The following NLGN2 variants were observed in gnomAD, a reference collection of about 807,000 sequenced individuals.
The protein encoded by NLGN2 is neuroligin-2.
Under a neutral mutation model 48.6 loss-of-function variants are expected in NLGN2, and 11 were observed. The ratio of observed to expected loss-of-function variants is 0.23; its 90% CI spans 0.14 to 0.37. NLGN2 has a LOEUF of 0.37. Ranked by LOEUF, NLGN2 falls within the 10% of genes least tolerant of loss-of-function variation. NLGN2 has a pLI of 1.00. For synonymous variants in NLGN2, 548 were observed against 550.0 expected (o/e 1.00, Z 0.05); for missense variants, 801 against 1,225.2 (o/e 0.65, Z 5.17).
chr17:7,407,109 T>A (rs1366708763), upstream of NLGN2, among the ~76,000 whole-genome samples: 1 of 152,110 alleles, frequency 6.6e-6, no homozygotes, highest in Admixed American at 6.5e-5. Context: ...AACTCTTGCA[T>A]TCTGACTCAC....
In NLGN2 at chr17:7,416,022, G is replaced by A. The variant is rs1255240420; in HGVS notation, c.1549G>A (p.Asp517Asn). The A allele has an allele frequency of 3.7e-6, 6 of 1,613,714 alleles. No individual in the cohort carries two copies. The highest frequency in any genetic ancestry group is 1.7e-5 in the Admixed American group (1 of 59,984). Residue 517 changes from aspartate to asparagine, a missense_variant, in exon 6 of 7, where the codon GAC becomes AAC. Asp to Asn is a conservative substitution (Grantham distance 23, BLOSUM62 1). This residue lies in a region of NLGN2 where 303 missense variants were observed against 600.1 expected (regional missense o/e 0.50). Coordinates refer to ENST00000302926, the MANE Select transcript of NLGN2 (RefSeq NM_020795.4). The stretch of plus-strand genomic sequence containing the variant: ...TGGCGTGCCCATGGTGGGTGCCACC[G>A]ACCTCTTCCCCTGTAACTTCTCCAA... ...VFGVPMVGAT[D>N]LFPCNFSKND...
At chr17:7,416,129 C>A in intron 6 of NLGN2, 22 bp downstream of exon 6, 1 of 497,038 alleles carries the variant, frequency 2.0e-6, no homozygotes, top group Non-Finnish European at 4.1e-6. Context: ...AGGGGCTGGG[C>A]GGGGCTGGGC....
Position 7,408,355 on chromosome 17 carries a change from G to C in NLGN2, c.100G>C (p.Gly34Arg). 1 of 1,486,536 alleles carries C rather than the reference G, an allele frequency of 6.7e-7. No homozygotes were observed. The highest frequency in any genetic ancestry group is 8.9e-7 in the Non-Finnish European group (1 of 1,121,718). 92.1% of individuals were successfully genotyped at this position (1,486,536 alleles called of 1,614,324 possible). ...CCCGGGCGGCCCCGGCCTGGGCCTCGGCAGCCTCGGCGAGGAGCGCTTCCC... is the reference window on the plus strand; with the variant it reads ...CCCGGGCGGCCCCGGCCTGGGCCTCCGCAGCCTCGGCGAGGAGCGCTTCCC... ...GAPGGPGLGL[G>R]SLGEERFPVV... is the part of the protein sequence containing the mutation. Residue 34 changes from glycine to arginine, a missense_variant, in exon 1 of 7, where the codon GGC becomes CGC. Around this residue, in one of 5 missense-constraint regions of NLGN2, gnomAD observed 164 missense variants for 186.2 expected, o/e 0.88. Coordinates refer to ENST00000302926, the MANE Select transcript of NLGN2 (RefSeq NM_020795.4). This position sits in a 1 kb window ranked among gnomAD's most constrained non-coding sequence, Gnocchi z 7.5.
At chr17:7,412,679 C>T (rs768206698) in intron 2 of NLGN2, among the ~76,000 whole-genome samples, 2 of 152,038 alleles carry the variant, frequency 1.3e-5, no homozygotes, top group African/African-American at 2.4e-5. Context: ...TTTCCAAAAG[C>T]CTGTCAGACA....
upstream of NLGN2, among the ~76,000 whole-genome samples, chr17:7,406,186 A>C (rs1170112411): frequency 1.3e-5 from 2 of 152,212 alleles, no homozygotes; most frequent in South Asian, 4.1e-4. Context: ...CGAGGGTGAG[A>C]GACTGAAGGC....
intron 5 of NLGN2, 116 bp downstream of exon 5, chr17:7,415,264 G>T: frequency 9.8e-7 from 1 of 1,016,368 alleles, no homozygotes; most frequent in Non-Finnish European, 1.4e-6. Flanking sequence ...CCCCCAGTAA[G>T]TGGCCTCCTC....
In NLGN2 at chr17:7,417,358, C is replaced by T. The variant is rs757705529; in HGVS notation, c.2067C>T (p.Leu689=). 6.2e-7 allele frequency: 1 copy of T among 1,611,378 alleles called. No homozygotes were observed. The highest frequency in any genetic ancestry group is 2.2e-5 in the East Asian group (1 of 44,766). The change falls in exon 7 of 7, where the codon CTC becomes CTT. Residue 689 remains leucine (L), a synonymous_variant. Transcript: ENST00000302926. ...TVAVGASLLF[L]NILAFAALYY... is the part of the protein sequence containing the mutation. ...CCGTGGGTGCCTCCCTCCTCTTCCT[C>T]AACATCCTGGCCTTTGCTGCCCTCT...
At chr17:7,410,228 T>C (rs1031526218) in intron 1 of NLGN2, among the ~76,000 whole-genome samples, 3 of 143,996 alleles carry the variant, frequency 2.1e-5, no homozygotes, top group South Asian at 4.6e-4. Context: ...CCCACCCATG[T>C]CCATCCCAAT....
At position 7,411,794 on chromosome 17, in the gene NLGN2, CTG is replaced by C. The variant is rs1906906016; in HGVS notation, c.458-361_458-360del. Among the ~76,000 whole-genome samples, 1 of 147,786 alleles carries C rather than the reference CTG, an allele frequency of 6.8e-6. No individual in the cohort carries two copies. On this transcript the variant is annotated intron_variant, in intron 1 of 6. Coordinates refer to ENST00000302926, the MANE Select transcript of NLGN2 (RefSeq NM_020795.4). This position sits in a 1 kb window ranked among gnomAD's most constrained non-coding sequence, Gnocchi z 4.5. ...CTCCCCTCCCACCCCACCTCTAACA[CTG>C]TTTCATTTCCAGCAATTAGCAAACA...
Position 7,415,597 on chromosome 17 carries a change from A to T in NLGN2, c.1124A>T (p.Asn375Ile). ...CTCATGCAGCAGGGAGAATTCCTCA[A>T]CTACGACATGCTCATCGGCGTCAAC... is the stretch of plus-strand genomic sequence containing the variant. ...EILMQQGEFLNYDMLIGVNQG... is the reference protein window; with the variant it reads ...EILMQQGEFLIYDMLIGVNQG... The change falls in exon 6 of 7, where the codon AAC (asparagine) becomes ATC (isoleucine). Residue 375 changes from asparagine to isoleucine, a missense_variant. Asn to Ile is a moderately radical substitution (Grantham distance 149). Transcript: ENST00000302926. The T allele has an allele frequency of 6.2e-7, 1 of 1,614,014 alleles. No individual in the cohort carries two copies. The highest frequency in any genetic ancestry group is 8.5e-7 in the Non-Finnish European group (1 of 1,179,832).
At chr17:7,410,596 C>T (rs950825761) in intron 1 of NLGN2, among the ~76,000 whole-genome samples, 6 of 152,140 alleles carry the variant, frequency 3.9e-5, no homozygotes, top group Non-Finnish European at 7.4e-5. Flanking sequence ...GGTGCTGTCT[C>T]GTCACCTTCC....
At chr17:7,405,634 G>C (rs1050353753), upstream of NLGN2, 1 of 152,816 alleles carries the variant, frequency 6.5e-6, no homozygotes, top group African/African-American at 2.4e-5. The surrounding 1 kb of genome is among the most constrained non-coding windows in gnomAD (Gnocchi z 6.8). Flanking sequence ...CGGGTCGGTG[G>C]AGGGGGCTGC....
intron 3 of NLGN2, 23 bp downstream of exon 3, chr17:7,414,516 G>C (rs368107081): frequency 5.0e-6 from 8 of 1,611,776 alleles, no homozygotes; most frequent in Non-Finnish European, 6.8e-6. Flanking sequence ...AGCCAACTCT[G>C]GGGCTCGGGG....
chr17:7,414,309 C>CCCCCTGG, intron 2 of NLGN2, 35 bp from the exon 3 acceptor site: 4 of 1,474,296 alleles, frequency 2.7e-6, no homozygotes, highest in Non-Finnish European at 3.6e-6. Context: ...TTGTCCCTGA[C>CCCCCTGG]CCCCTGGCCC....
intron 1 of NLGN2, among the ~76,000 whole-genome samples, chr17:7,410,036 C>A (rs1385188892): frequency 6.6e-6 from 1 of 152,008 alleles, no homozygotes; most frequent in Non-Finnish European, 1.5e-5. Flanking sequence ...TCCCCAACAT[C>A]CCCAACACTC....
chr17:7,414,322 C>CA, intron 2 of NLGN2, 22 bp from the exon 3 acceptor site: 4 of 1,450,044 alleles, frequency 2.8e-6, no homozygotes, highest in Non-Finnish European at 3.6e-6. Context: ...CCTGGCCCAC[C>CA]TGCCCACCCC....
Position 7,417,524 on chromosome 17 carries a change from C to T in NLGN2, c.2233C>T (p.Leu745=). 1 of 1,492,836 alleles carries T rather than the reference C, an allele frequency of 6.7e-7. No homozygotes were observed. Among genetic ancestry groups the T allele is most frequent in the South Asian group, 1.3e-5 (1 of 75,370 alleles). The allele number at this position is 1,492,836 out of a possible 1,614,324, so 92.5% of individuals were successfully genotyped here. ...GCCACCAGAGGAGGAGCTGGTGTCA[C>T]TGCAGCTGAAGCGGGGTGGTGGCGT... The part of the protein sequence containing the change: ...ELPPEEELVS[L]QLKRGGGVGA... Residue 745 remains leucine (L), a synonymous_variant, in exon 7 of 7, where the codon CTG becomes TTG. Transcript: ENST00000302926.
chr17:7,412,735 T>G (rs1446442122), intron 2 of NLGN2, among the ~76,000 whole-genome samples: 1 of 152,180 alleles, frequency 6.6e-6, no homozygotes, highest in Non-Finnish European at 1.5e-5. Context: ...TTGACAATTT[T>G]TTAAAACAGG....
In NLGN2 at chr17:7,408,771, A is replaced by C; in HGVS notation, c.457+59A>C. The C allele has an allele frequency of 6.2e-7, 1 of 1,609,682 alleles. No individual in the cohort carries two copies. The highest frequency in any genetic ancestry group is 1.1e-5 in the South Asian group (1 of 90,762). On this transcript the variant is annotated intron_variant, in intron 1 of 6. Coordinates refer to ENST00000302926, the MANE Select transcript of NLGN2 (RefSeq NM_020795.4). The surrounding 1 kb of genome is among the most constrained non-coding windows in gnomAD (Gnocchi z 7.5). ...GGACACAGCCCACAAACGCACATGC[A>C]GACCCTCAGGCACTGGCACCGCTCT...
Sources: gnomAD v4.1 joint callset for allele counts (sites outside exome capture counted in the v4.1 genomes callset) on GRCh38, gnomAD v4.1.1 for gene constraint, gnomAD v4.1.1 regional missense constraint, Gnocchi (gnomAD v3.1) non-coding constraint, MANE v1.5 for transcripts, NCBI Gene and HGNC (gene_info 2026-07-23, HGNC 2026-07-21) for gene names.